STK3: variants seen among roughly 807,000 people sequenced by gnomAD.
The protein encoded by STK3 is serine/threonine kinase 3.
A neutral mutation model predicts 58.0 loss-of-function variants in STK3; 41 were observed. The ratio of observed to expected loss-of-function variants is 0.71; its 90% CI spans 0.55 to 0.92. STK3 has a LOEUF of 0.92. Among genes scored for constraint, STK3 ranks in the 40% least tolerant of loss-of-function variants. The pLI, the probability that STK3 is intolerant of heterozygous loss-of-function variation, is 0.00. For missense variants in STK3, 479 were observed against 602.7 expected (o/e 0.79, Z 2.15); for synonymous variants, 170 against 191.0 (o/e 0.89, Z 0.91).
intron 6 of STK3, among the ~76,000 whole-genome samples, chr8:98,689,134 T>C (rs1426427707): frequency 6.6e-6 from 1 of 152,126 alleles, no homozygotes. Flanking sequence ...AACATTTCAG[T>C]ACATACAAAG....
At chr8:98,676,836 T>G (rs1460600492) in intron 6 of STK3, among the ~76,000 whole-genome samples, 1 of 152,194 alleles carries the variant, frequency 6.6e-6, no homozygotes, top group Non-Finnish European at 1.5e-5. Flanking sequence ...TTTCAGTAAT[T>G]AGCTTCACTC....
chr8:98,649,820 G>A (rs1383062881), intron 6 of STK3, among the ~76,000 whole-genome samples: 1 of 152,048 alleles, frequency 6.6e-6, no homozygotes, highest in East Asian at 1.9e-4. Flanking sequence ...GTTTTTGCAT[G>A]GCAACACAAT....
intron 7 of STK3, among the ~76,000 whole-genome samples, chr8:98,584,071 T>C (rs191095605): frequency 6.6e-6 from 1 of 151,920 alleles, no homozygotes; most frequent in African/African-American, 2.4e-5. Flanking sequence ...GAGAAGGTAG[T>C]GAAAATCTTT....
At chr8:98,359,344 T>TAAAAAA in the STK3 span, among the ~76,000 whole-genome samples, 14 of 55,716 alleles carry the variant, frequency 2.5e-4, no homozygotes, top group Non-Finnish European at 3.9e-4. Flanking sequence ...CCATCTCAAC[T>TAAAAAA]AAAAAAAAAA....
rs185132541 is a variant in STK3, at chr8:98,653,243, A to G, written c.684+53224T>C. Among the ~76,000 whole-genome samples the G allele has an allele frequency of 7.9e-5, 12 of 152,344 alleles. No homozygotes were observed. The East Asian group carries it at 2.1e-3, about 27-fold the overall frequency. ...GCTCCTGAATGACTACTGGGTACAT[A>G]ACGAAATGAAGGCAGAAATAAAGAC... On this transcript the variant is annotated intron_variant, in intron 6 of 10. Transcript: ENST00000419617.
chr8:98,774,612 C>A, intron 2 of STK3, 127 bp downstream of exon 2: 1 of 602,380 alleles, frequency 1.7e-6, no homozygotes, highest in South Asian at 4.2e-5. Flanking sequence ...TATCACCTGC[C>A]AAGTTTAATT....
chr8:98,861,338 C>G (rs972087774), intron 3 of STK3, among the ~76,000 whole-genome samples: 4 of 115,446 alleles, frequency 3.5e-5, no homozygotes, highest in Non-Finnish European at 7.3e-5. Flanking sequence ...GGCTTTGTTT[C>G]TTTGGATTTT....
intron 6 of STK3, among the ~76,000 whole-genome samples, chr8:98,672,065 C>G (rs1449056909): frequency 6.6e-6 from 1 of 152,124 alleles, no homozygotes; most frequent in Non-Finnish European, 1.5e-5. Context: ...ATCAATTAAA[C>G]CTCTTTTCTT....
At chr8:98,507,981 A>C (rs777250105) in intron 10 of STK3, among the ~76,000 whole-genome samples, 51 of 152,162 alleles carry the variant, frequency 3.4e-4, no homozygotes, top group Non-Finnish European at 6.2e-4. Flanking sequence ...TCTCCAAAGT[A>C]CTTATCGTCT....
chr8:98,928,210 G>A (rs1384946491), intron 1 of STK3, among the ~76,000 whole-genome samples: 4 of 152,112 alleles, frequency 2.6e-5, no homozygotes, highest in Non-Finnish European at 5.9e-5. Context: ...TTCAGTTGAC[G>A]GTCTATAAAC....
the STK3 span, among the ~76,000 whole-genome samples, chr8:98,363,899 C>T: frequency 6.6e-6 from 1 of 152,184 alleles, no homozygotes; most frequent in South Asian, 2.1e-4. Context: ...AGTTCATATA[C>T]CCCACCAGAC....
chr8:98,665,095 T>C (rs185756783), intron 6 of STK3, among the ~76,000 whole-genome samples: 1 of 152,318 alleles, frequency 6.6e-6, no homozygotes, highest in Admixed American at 6.5e-5. Context: ...TGTAAGAATG[T>C]ATGTGCACTA....
intron 3 of STK3, among the ~76,000 whole-genome samples, chr8:98,874,131 G>C (rs754976298): frequency 1.3e-5 from 2 of 152,136 alleles, no homozygotes; most frequent in Non-Finnish European, 2.9e-5. Flanking sequence ...TGAAATTCTG[G>C]GTTGAAAATT....
intron 8 of STK3, among the ~76,000 whole-genome samples, chr8:98,564,767 T>TA (rs1804555487): frequency 1.3e-5 from 2 of 152,032 alleles, no homozygotes; most frequent in South Asian, 2.1e-4. Flanking sequence ...CAATTTTTTT[T>TA]AAAAAAGAGA....
intron 6 of STK3, among the ~76,000 whole-genome samples, chr8:98,667,840 A>T (rs909028333): frequency 6.6e-6 from 1 of 152,082 alleles, no homozygotes; most frequent in African/African-American, 2.4e-5. Flanking sequence ...TGTTAAAAAA[A>T]TCCATTAATT....
chr8:98,892,344 T>C (rs1267183626), intron 1 of STK3, among the ~76,000 whole-genome samples: 2 of 152,190 alleles, frequency 1.3e-5, no homozygotes, highest in African/African-American at 4.8e-5. Flanking sequence ...GCCTCCAATT[T>C]GTTCTCCACA....
intron 10 of STK3, among the ~76,000 whole-genome samples, chr8:98,498,795 C>T (rs1823354217): frequency 6.6e-6 from 1 of 152,112 alleles, no homozygotes; most frequent in Non-Finnish European, 1.5e-5. Flanking sequence ...CTTATCTGTC[C>T]CCTTTGCTGA....
chr8:98,581,394 C>T (rs1015025243), intron 7 of STK3, among the ~76,000 whole-genome samples: 1 of 152,144 alleles, frequency 6.6e-6, no homozygotes, highest in Non-Finnish European at 1.5e-5. Flanking sequence ...CCCACATGGT[C>T]TTCACTGGCA....
At position 98,815,676 on chromosome 8, in the gene STK3, GA is replaced by G. The variant is rs953181164; in HGVS notation, c.26+9838del. On this transcript the variant is annotated intron_variant, in intron 1 of 10. Coordinates refer to ENST00000419617, the MANE Select transcript of STK3 (RefSeq NM_006281.4). ...CATCTTCTCATAATGGCATTTAAAAGAAAAAAAAATGGCCACCTTTGGAGAA... is the reference window on the plus strand; with the variant it reads ...CATCTTCTCATAATGGCATTTAAAAGAAAAAAAATGGCCACCTTTGGAGAA... Among the ~76,000 whole-genome samples, 4 of 150,472 alleles carry G rather than the reference GA, an allele frequency of 2.7e-5. 1 individual carries two copies. Among genetic ancestry groups the G allele is most frequent in the South Asian group, 4.2e-4 (2 of 4,780 alleles).
Sources: gnomAD v4.1 joint callset for allele counts (sites outside exome capture counted in the v4.1 genomes callset) on GRCh38, gnomAD v4.1.1 for gene constraint, MANE v1.5 for transcripts, NCBI Gene and HGNC (gene_info 2026-07-23, HGNC 2026-07-21) for gene names.